The following SMIM33 variants were observed in gnomAD, a reference collection of about 807,000 sequenced individuals.
The protein encoded by SMIM33 is small integral membrane protein 33.
Position 139,472,796 on chromosome 5 carries a change from A to T in SMIM33, c.274A>T (p.Ile92Phe). The part of the protein sequence containing the change: ...TPKPDGGIYL[I>F]HWRVLGPQDS... ...AAAGCCAGATGGTGGCATCTACCTC[A>T]TCCACTGGCGGGTGCTGGGCCCCCA... Residue 92 changes from isoleucine to phenylalanine, a missense_variant, in exon 2 of 2, where the codon ATC becomes TTC. By Grantham distance (21) the Ile-to-Phe change is conservative (BLOSUM62 0). Transcript: ENST00000637503. 2.5e-6 allele frequency: 1 copy of T among 400,806 alleles called. No homozygotes were observed. The highest frequency in any genetic ancestry group is 3.6e-5 in the East Asian group (1 of 28,096). The allele number at this position is 400,806 out of a possible 1,614,324, so 24.8% of individuals were successfully genotyped here.
chr5:139,472,448 T>G, intron 1 of SMIM33, 84 bp from the exon 2 acceptor site: 1 of 394,144 alleles, frequency 2.5e-6, no homozygotes, highest in Non-Finnish European at 4.5e-6. Context: ...TCAGGTTCCT[T>G]TGGGTGTTTG....
At position 139,471,006 on chromosome 5, in the gene SMIM33, T is replaced by A. The variant is rs1487496209; in HGVS notation, c.-116T>A. 1.0e-5 allele frequency: 4 copies of A among 398,672 alleles called. No homozygotes were observed. Among genetic ancestry groups the A allele is most frequent in the Non-Finnish European group, 1.8e-5 (4 of 226,234 alleles). The allele number at this position is 398,672 out of a possible 1,614,324, so 24.7% of individuals were successfully genotyped here. On this transcript the variant is annotated 5_prime_UTR_variant, in exon 1 of 2. Coordinates refer to ENST00000637503, the MANE Select transcript of SMIM33 (RefSeq NM_001365197.1). ...GCGGTGAGAGTGTGTGCACAGGGTG[T>A]GTGCCCATGGGCCCCGCAGACGTGG...
intron 1 of SMIM33, among the ~76,000 whole-genome samples, chr5:139,471,851 C>T (rs1751541176): frequency 6.6e-6 from 1 of 152,124 alleles, no homozygotes; most frequent in South Asian, 2.1e-4. Flanking sequence ...AGTTCACATC[C>T]CCTCTACCTC....
In SMIM33 at chr5:139,472,977, G is replaced by T. The variant is rs1356786913; in HGVS notation, c.*56G>T. ...AGCTCAGAACAAGAAACCGGGCAGA[G>T]AACTAGGGCAAAAGCAAATTGGAGC... On this transcript the variant is annotated 3_prime_UTR_variant, in exon 2 of 2. Transcript: ENST00000637503. 1 of 399,182 alleles carries T rather than the reference G, an allele frequency of 2.5e-6. No individual in the cohort carries two copies. Among genetic ancestry groups the T allele is most frequent in the South Asian group, 1.3e-4 (1 of 7,560 alleles). 24.7% of individuals were successfully genotyped at this position (399,182 alleles called of 1,614,324 possible).
In SMIM33 at chr5:139,472,847, G is replaced by A; in HGVS notation, c.325G>A (p.Gly109Ser). Residue 109 changes from glycine (G) to serine (S), a missense_variant, in exon 2 of 2, where the codon GGC becomes AGC. By Grantham distance (56) the Gly-to-Ser change is moderately conservative. Transcript: ENST00000637503. ...PQDSPEEAPP[G>S]PLVPGSCPAP... ...AGACAGTCCTGAAGAAGCACCACCG[G>A]GCCCTCTTGTCCCTGGCTCCTGCCC... The A allele has an allele frequency of 2.5e-6, 1 of 400,884 alleles. No individual in the cohort carries two copies. Among genetic ancestry groups the A allele is most frequent in the Non-Finnish European group, 4.4e-6 (1 of 226,310 alleles). 24.8% of individuals were successfully genotyped at this position (400,884 alleles called of 1,614,324 possible).
Sources: gnomAD v4.1 joint callset for allele counts (sites outside exome capture counted in the v4.1 genomes callset) on GRCh38, gnomAD v4.1.1 for gene constraint, MANE v1.5 for transcripts, NCBI Gene and HGNC (gene_info 2026-07-23, HGNC 2026-07-21) for gene names.